The following SLC35D1 variants were observed in gnomAD, a reference collection of about 807,000 sequenced individuals.
SLC35D1 encodes the protein nucleotide sugar transporter SLC35D1.
Under a neutral mutation model 46.7 loss-of-function variants are expected in SLC35D1, and 31 were observed. The ratio of observed to expected loss-of-function variants is 0.66; its 90% CI spans 0.50 to 0.90. The LOEUF (loss-of-function observed/expected upper bound fraction) is 0.90. Ranked by LOEUF, SLC35D1 falls within the 40% of genes least tolerant of loss-of-function variation. SLC35D1 has a pLI of 0.00. For synonymous variants in SLC35D1, 195 were observed against 164.6 expected (o/e 1.18, Z -1.41); for missense variants, 397 against 426.2 (o/e 0.93, Z 0.60).
In SLC35D1 at chr1:67,054,062, G is replaced by A. The variant is rs371509595; in HGVS notation, c.-49C>T. ...GGCGGCGGGGCCTAGCGGCTCGGGG[G>A]CCTGCAGCGGCAGCTCCCAGGGGAC... On this transcript the variant is annotated 5_prime_UTR_variant, in exon 1 of 12. Coordinates refer to ENST00000235345, the MANE Select transcript of SLC35D1 (RefSeq NM_015139.3). 43 of 1,584,750 alleles carry A rather than the reference G, an allele frequency of 2.7e-5. No homozygotes were observed. The highest frequency in any genetic ancestry group is 8.9e-5 in the South Asian group (8 of 89,662).
At chr1:66,996,339 GAACA>G (rs1378505995), downstream of SLC35D1, among the ~76,000 whole-genome samples, 2 of 152,250 alleles carry the variant, frequency 1.3e-5, no homozygotes, top group East Asian at 3.8e-4. Context: ...CACAGTGGGT[GAACA>G]ATGAATGAAA....
At chr1:67,044,422 A>C (rs1483855762) in intron 7 of SLC35D1, among the ~76,000 whole-genome samples, 1 of 152,210 alleles carries the variant, frequency 6.6e-6, no homozygotes, top group African/African-American at 2.4e-5. Context: ...ACAGCCACTA[A>C]AAATGTTTAA....
At chr1:67,021,706 G>GACACAC (rs1304759407) in intron 8 of SLC35D1, 104 bp from the exon 9 acceptor site, 28 of 243,350 alleles carry the variant, frequency 1.2e-4, no homozygotes, top group African/African-American at 7.8e-4. Context: ...CACAGACACA[G>GACACAC]ACACAGACAC....
At chr1:67,023,054 T>C (rs1305238507) in intron 8 of SLC35D1, among the ~76,000 whole-genome samples, 1 of 152,238 alleles carries the variant, frequency 6.6e-6, no homozygotes, top group Non-Finnish European at 1.5e-5. Context: ...CTTATGGGTA[T>C]ACCACAATTT....
chr1:67,004,876 T>C (rs910014510), intron 11 of SLC35D1, among the ~76,000 whole-genome samples: 3 of 152,128 alleles, frequency 2.0e-5, no homozygotes, highest in African/African-American at 7.2e-5. Context: ...ATAGGAAACA[T>C]CCCAAATTAG....
Position 67,054,080 on chromosome 1 carries a change from C to T in SLC35D1, c.-67G>A. 2 of 1,521,690 alleles carry T rather than the reference C, an allele frequency of 1.3e-6. No individual in the cohort carries two copies. Among genetic ancestry groups the T allele is most frequent in the East Asian group, 2.3e-5 (1 of 43,826 alleles). The allele number at this position is 1,521,690 out of a possible 1,614,324, so 94.3% of individuals were successfully genotyped here. On this transcript the variant is annotated 5_prime_UTR_variant, in exon 1 of 12. Coordinates refer to ENST00000235345, the MANE Select transcript of SLC35D1 (RefSeq NM_015139.3). ...CTCGGGGGCCTGCAGCGGCAGCTCC[C>T]AGGGGACTCCAGGAGTTGGGGACCG...
At chr1:66,985,814 A>ATTTTTTTTTTTTTT in the SLC35D1 span, 1 of 629,882 alleles carries the variant, frequency 1.6e-6, no homozygotes, top group Non-Finnish European at 1.9e-6. Flanking sequence ...GGATTATAAA[A>ATTTTTTTTTTTTTT]TTTTTTTTTT....
chr1:67,010,443 T>G (rs1315570098), intron 10 of SLC35D1, among the ~76,000 whole-genome samples: 1 of 152,212 alleles, frequency 6.6e-6, no homozygotes, highest in Non-Finnish European at 1.5e-5. Flanking sequence ...AGAAAACACA[T>G]GGGAAGTCAT....
At chr1:67,033,670 GT>G (rs1668067587) in intron 8 of SLC35D1, among the ~76,000 whole-genome samples, 1 of 151,990 alleles carries the variant, frequency 6.6e-6, no homozygotes, top group African/African-American at 2.4e-5. Flanking sequence ...TTTCTTCACT[GT>G]GCAGAAGCTT....
chr1:66,990,664 A>G, the SLC35D1 span, among the ~76,000 whole-genome samples: 2 of 152,094 alleles, frequency 1.3e-5, no homozygotes, highest in African/African-American at 4.8e-5. Flanking sequence ...AAACAATGAT[A>G]CCAGTTTTGG....
the SLC35D1 span, among the ~76,000 whole-genome samples, chr1:66,992,673 A>T: frequency 6.6e-6 from 1 of 152,218 alleles, no homozygotes; most frequent in South Asian, 2.1e-4. Context: ...GTCAATCCCG[A>T]TGGCCAGAAA....
intron 11 of SLC35D1, among the ~76,000 whole-genome samples, chr1:67,008,667 GACAATGAGATACCC>G (rs1667500239): frequency 6.6e-6 from 1 of 152,012 alleles, no homozygotes; most frequent in African/African-American, 2.4e-5. Context: ...ATTAGCCCCC[GACAATGAGATACCC>G]ATTCCAAAAA....
At chr1:66,973,473 C>G in the SLC35D1 span, among the ~76,000 whole-genome samples, 2 of 152,098 alleles carry the variant, frequency 1.3e-5, no homozygotes, top group Middle Eastern at 3.4e-3. Context: ...CTAGGAGCTT[C>G]TGTGTCGATA....
intron 8 of SLC35D1, among the ~76,000 whole-genome samples, chr1:67,031,796 G>A (rs1047167133): frequency 6.6e-6 from 1 of 152,162 alleles, no homozygotes; most frequent in Non-Finnish European, 1.5e-5. Context: ...CACTTTAAAT[G>A]TAGACAGAAT....
At chr1:67,044,982 A>G (rs531743784) in intron 7 of SLC35D1, among the ~76,000 whole-genome samples, 1 of 152,260 alleles carries the variant, frequency 6.6e-6, no homozygotes, top group African/African-American at 2.4e-5. Context: ...CTGATTGCTT[A>G]TGGTCACCAC....
At chr1:67,048,347 G>C (rs1645272193) in intron 6 of SLC35D1, among the ~76,000 whole-genome samples, 1 of 152,150 alleles carries the variant, frequency 6.6e-6, no homozygotes, top group East Asian at 1.9e-4. Context: ...CCTGTTGTTT[G>C]GTACAATTTT....
chr1:67,015,160 T>TAA (rs140508453), intron 10 of SLC35D1, among the ~76,000 whole-genome samples: 114 of 85,390 alleles, frequency 1.3e-3, no homozygotes, highest in African/African-American at 2.3e-3. Context: ...TGTGTTTTTG[T>TAA]AAAAAAAAAA....
chr1:67,004,244 C>A lies in SLC35D1; in HGVS notation c.*96G>T, dbSNP rs999315283. On this transcript the variant is annotated 3_prime_UTR_variant, in exon 12 of 12. Coordinates refer to ENST00000235345, the MANE Select transcript of SLC35D1 (RefSeq NM_015139.3). ...AAGTGCAAAGGAATGGTTATTTCCT[C>A]CATAATCAAGACACCTCAGTGTCTC... 2.9e-5 allele frequency: 30 copies of A among 1,024,500 alleles called. No homozygotes were observed. Among genetic ancestry groups the A allele is most frequent in the Admixed American group, 5.3e-5 (3 of 56,618 alleles). The allele number at this position is 1,024,500 out of a possible 1,614,324, so 63.5% of individuals were successfully genotyped here.
intron 8 of SLC35D1, among the ~76,000 whole-genome samples, chr1:67,033,648 C>T (rs983566553): frequency 1.3e-5 from 2 of 152,070 alleles, no homozygotes; most frequent in African/African-American, 4.8e-5. Flanking sequence ...TGGGTTGTCT[C>T]TTGACTGTTG....
Sources: gnomAD v4.1 joint callset for allele counts (sites outside exome capture counted in the v4.1 genomes callset) on GRCh38, gnomAD v4.1.1 for gene constraint, MANE v1.5 for transcripts, NCBI Gene and HGNC (gene_info 2026-07-23, HGNC 2026-07-21) for gene names.